The following KIF3A variants were observed in gnomAD, a reference collection of about 807,000 sequenced individuals.
KIF3A encodes kinesin-like protein KIF3A.
In KIF3A, 27 loss-of-function variants were observed where a neutral mutation model predicts 92.6. That is an observed-to-expected ratio of 0.29 (90% confidence interval 0.21 to 0.40). The LOEUF is 0.40. Among genes scored for constraint, KIF3A ranks in the 10% least tolerant of loss-of-function variants. The pLI is 1.00. For synonymous variants in KIF3A, 250 were observed against 275.4 expected (o/e 0.91, Z 0.92); for missense variants, 581 against 872.6 (o/e 0.67, Z 4.21).
intron 2 of KIF3A, among the ~76,000 whole-genome samples, chr5:132,729,252 C>T (rs1401510828): frequency 6.6e-6 from 1 of 152,012 alleles, no homozygotes; most frequent in Non-Finnish European, 1.5e-5. Flanking sequence ...TAACTAAACA[C>T]CACCTGTTCC....
chr5:132,709,551 T>C (rs1166848496), intron 9 of KIF3A, among the ~76,000 whole-genome samples: 1 of 152,246 alleles, frequency 6.6e-6, no homozygotes, highest in Non-Finnish European at 1.5e-5. Flanking sequence ...AGATACATTA[T>C]TGTTAAATAT....
rs2149886848 is a variant in KIF3A, at chr5:132,692,923, T to C, written c.*3711A>G. 1 of 152,716 alleles carries C rather than the reference T, an allele frequency of 6.5e-6. No homozygotes were observed. Among genetic ancestry groups the C allele is most frequent in the South Asian group, 2.1e-4 (1 of 4,832 alleles). 9.5% of individuals were successfully genotyped at this position (152,716 alleles called of 1,614,324 possible). A position where few individuals can be genotyped will look rare whatever the true frequency, so the allele number is the denominator to read the frequency against. ...AAAAAATAATTTAAAATAAAACAAA[T>C]GTATACATTAGGAAATTGGGCAGAC... is the stretch of plus-strand genomic sequence containing the variant. On this transcript the variant is annotated 3_prime_UTR_variant, in exon 19 of 19. Coordinates refer to ENST00000403231, the MANE Select transcript of KIF3A (RefSeq NM_001300791.2).
At chr5:132,722,084 GT>G (rs1241738835) in intron 4 of KIF3A, among the ~76,000 whole-genome samples, 1 of 152,198 alleles carries the variant, frequency 6.6e-6, no homozygotes, top group East Asian at 1.9e-4. Flanking sequence ...TGCTATGGAA[GT>G]TTTTAAGCAC....
At chr5:132,692,145 A>C (rs1328009608), downstream of KIF3A, among the ~76,000 whole-genome samples, 2 of 152,194 alleles carry the variant, frequency 1.3e-5, no homozygotes, top group Non-Finnish European at 2.9e-5. Flanking sequence ...AGAGGCTATT[A>C]TCCTTAGCAA....
chr5:132,708,870 C>A, intron 10 of KIF3A, 37 bp downstream of exon 10: 1 of 1,446,028 alleles, frequency 6.9e-7, no homozygotes, highest in South Asian at 1.2e-5. Context: ...ATGGAAAAGC[C>A]AAAGCTCTGT....
chr5:132,690,009 G>T (rs966181894), downstream of KIF3A, among the ~76,000 whole-genome samples: 4 of 152,202 alleles, frequency 2.6e-5, no homozygotes, highest in Non-Finnish European at 4.4e-5. Flanking sequence ...CACGAGGTCA[G>T]AAGTTTGAAA....
intron 16 of KIF3A, 49 bp downstream of exon 16, chr5:132,700,598 T>C (rs376929433): frequency 2.3e-5 from 29 of 1,265,654 alleles, no homozygotes; most frequent in Non-Finnish European, 2.5e-5. Context: ...TTCTAGACCA[T>C]AGGAAGTACT....
At chr5:132,716,745 T>C in intron 6 of KIF3A, 100 bp downstream of exon 6, 1 of 1,284,134 alleles carries the variant, frequency 7.8e-7, no homozygotes, top group Non-Finnish European at 1.1e-6. Flanking sequence ...ACCTTAAAAA[T>C]CATATGTAAA....
chr5:132,691,539 C>T (rs1237961353), downstream of KIF3A, among the ~76,000 whole-genome samples: 1 of 100,710 alleles, frequency 9.9e-6, no homozygotes, highest in Non-Finnish European at 1.9e-5. Context: ...AAGAGCCAAA[C>T]TCCATCTCAA....
At chr5:132,715,685 T>C (rs113932100) in intron 8 of KIF3A, 72 bp downstream of exon 8, 45 of 1,189,058 alleles carry the variant, frequency 3.8e-5, no homozygotes, top group African/African-American at 2.5e-4. Context: ...AGAGGGCTTT[T>C]GTTAGAACAG....
At position 132,695,208 on chromosome 5, in the gene KIF3A, G is replaced by A. The variant is rs915623882; in HGVS notation, c.*1426C>T. ...ATTTTTTGAGGTGGAGTGTCACCCTGTCACCCAGGCTGGAGTGCAGTGATG... is the reference window on the plus strand; with the variant it reads ...ATTTTTTGAGGTGGAGTGTCACCCTATCACCCAGGCTGGAGTGCAGTGATG... On this transcript the variant is annotated 3_prime_UTR_variant, in exon 19 of 19. Coordinates refer to ENST00000403231, the MANE Select transcript of KIF3A (RefSeq NM_001300791.2). 1.3e-5 allele frequency: 2 copies of A among 152,080 alleles called. No individual in the cohort carries two copies. The highest frequency in any genetic ancestry group is 2.9e-5 in the Non-Finnish European group (2 of 68,022). 9.4% of individuals were successfully genotyped at this position (152,080 alleles called of 1,614,324 possible).
chr5:132,691,673 C>T (rs188377770), downstream of KIF3A, among the ~76,000 whole-genome samples: 280 of 151,222 alleles, frequency 1.9e-3, 2 homozygotes, highest in African/African-American at 6.4e-3. Context: ...GAGGCTGAGG[C>T]GGGTGGATCA....
intron 10 of KIF3A, 90 bp from the exon 11 acceptor site, chr5:132,706,549 T>C: frequency 9.3e-7 from 1 of 1,078,108 alleles, no homozygotes; most frequent in South Asian, 1.6e-5. Flanking sequence ...ATTTCTCTTG[T>C]GAAACAAAGA....
intron 18 of KIF3A, among the ~76,000 whole-genome samples, chr5:132,697,108 T>C (rs780009286): frequency 4.0e-4 from 61 of 152,264 alleles, no homozygotes; most frequent in Non-Finnish European, 6.6e-4. Context: ...CTTATGGAAA[T>C]GCTACATTAA....
chr5:132,724,812 TATA>T lies in KIF3A; in HGVS notation c.510+1313_510+1315del, dbSNP rs1346540387. Among the ~76,000 whole-genome samples, 74 of 12,446 alleles carry T rather than the reference TATA, an allele frequency of 5.9e-3. 4 individuals carry two copies. Among genetic ancestry groups the T allele is most frequent in the African/African-American group, 0.016 (65 of 4,162 alleles). The allele number at this position is 12,446 out of a possible 152,430, so 8.2% of individuals were successfully genotyped here. A position where few individuals can be genotyped will look rare whatever the true frequency, so the allele number is the denominator to read the frequency against. On this transcript the variant is annotated intron_variant, in intron 4 of 18. Coordinates refer to ENST00000403231, the MANE Select transcript of KIF3A (RefSeq NM_001300791.2). ...TATAATAAAAAAAAAAAAAAATATA[TATA>T]TATATATATATATATATATATATAT...
chr5:132,699,398 A>T (rs2149892475), intron 17 of KIF3A, 103 bp from the exon 18 acceptor site: 2 of 1,164,800 alleles, frequency 1.7e-6, no homozygotes, highest in East Asian at 5.0e-5. Context: ...TCAAACCCAC[A>T]GAAGCTAAAA....
chr5:132,728,128 A>G (rs1754100048), intron 2 of KIF3A, among the ~76,000 whole-genome samples: 1 of 152,236 alleles, frequency 6.6e-6, no homozygotes. Context: ...TTAAATTATT[A>G]AATAAAAAAT....
intron 2 of KIF3A, among the ~76,000 whole-genome samples, chr5:132,733,346 T>C (rs140696284): frequency 4.0e-4 from 61 of 152,270 alleles, no homozygotes; most frequent in African/African-American, 1.4e-3. Flanking sequence ...CAATCCAAAA[T>C]TGAAATTATG....
At chr5:132,706,275 G>GA (rs1386897590) in intron 11 of KIF3A, among the ~76,000 whole-genome samples, 176 bp downstream of exon 11, 2 of 151,832 alleles carry the variant, frequency 1.3e-5, no homozygotes, top group African/African-American at 4.8e-5. Flanking sequence ...AGAATTTAGG[G>GA]AAAAAAATGA....
Sources: gnomAD v4.1 joint callset for allele counts (sites outside exome capture counted in the v4.1 genomes callset) on GRCh38, gnomAD v4.1.1 for gene constraint, MANE v1.5 for transcripts, NCBI Gene and HGNC (gene_info 2026-07-23, HGNC 2026-07-21) for gene names.